The following PPARGC1A variants were observed in gnomAD, a reference collection of about 807,000 sequenced individuals.
PPARGC1A encodes peroxisome proliferator-activated receptor gamma coactivator 1-alpha.
Under a neutral mutation model 88.7 loss-of-function variants are expected in PPARGC1A, and 25 were observed. The observed-to-expected ratio is 0.28, with a 90% CI of 0.21 to 0.39. The LOEUF is 0.39. Among genes scored for constraint, PPARGC1A ranks in the 10% least tolerant of loss-of-function variants. PPARGC1A has a pLI of 1.00. For missense variants in PPARGC1A, 880 were observed against 968.7 expected (o/e 0.91, Z 1.22); for synonymous variants, 363 against 355.6 (o/e 1.02, Z -0.24).
intron 2 of PPARGC1A, among the ~76,000 whole-genome samples, chr4:23,852,389 T>C (rs1729455611): frequency 6.6e-6 from 1 of 152,156 alleles, no homozygotes; most frequent in African/African-American, 2.4e-5. Flanking sequence ...CTGATCACTT[T>C]ACAGAGAGGC....
chr4:23,989,366 AG>A, the PPARGC1A span, among the ~76,000 whole-genome samples: 1 of 151,784 alleles, frequency 6.6e-6, no homozygotes, highest in African/African-American at 2.4e-5. Context: ...CAAGTGGGTA[AG>A]GGAATAGGGA....
chr4:24,129,850 C>G, the PPARGC1A span, among the ~76,000 whole-genome samples: 1 of 152,066 alleles, frequency 6.6e-6, no homozygotes, highest in South Asian at 2.1e-4. Context: ...TTTGTGGGGA[C>G]ATGGATGAAG....
intron 2 of PPARGC1A, among the ~76,000 whole-genome samples, chr4:23,845,228 T>C (rs764547178): frequency 5.9e-4 from 89 of 152,118 alleles, no homozygotes; most frequent in Non-Finnish European, 1.1e-3. Flanking sequence ...CCAGTGTTTT[T>C]TACATTATGT....
At chr4:23,924,937 T>A in the PPARGC1A span, among the ~76,000 whole-genome samples, 1 of 152,194 alleles carries the variant, frequency 6.6e-6, no homozygotes, top group Non-Finnish European at 1.5e-5. Flanking sequence ...GGATTCATGG[T>A]GCATAAGATC....
chr4:24,468,660 T>C, the PPARGC1A span, among the ~76,000 whole-genome samples: 2 of 152,204 alleles, frequency 1.3e-5, no homozygotes, highest in Non-Finnish European at 2.9e-5. Flanking sequence ...TCAGTGATGA[T>C]TTGTGGCTGG....
the PPARGC1A span, among the ~76,000 whole-genome samples, chr4:24,411,236 G>C: frequency 6.6e-6 from 1 of 152,194 alleles, no homozygotes; most frequent in Non-Finnish European, 1.5e-5. Flanking sequence ...GAAGCCGACT[G>C]TCCTGGGTAA....
At chr4:24,316,182 C>A in the PPARGC1A span, among the ~76,000 whole-genome samples, 251 of 152,302 alleles carry the variant, frequency 1.6e-3, no homozygotes, top group Non-Finnish European at 2.4e-3. Flanking sequence ...CCAATGCAAG[C>A]GTCCAGCCAA....
the PPARGC1A span, among the ~76,000 whole-genome samples, chr4:24,396,172 G>A: frequency 3.9e-5 from 6 of 152,136 alleles, no homozygotes; most frequent in African/African-American, 1.4e-4. Flanking sequence ...AGAGCCACCA[G>A]GGAGCAGGGT....
At chr4:24,167,272 C>T in the PPARGC1A span, among the ~76,000 whole-genome samples, 2 of 152,170 alleles carry the variant, frequency 1.3e-5, no homozygotes, top group African/African-American at 4.8e-5. Flanking sequence ...GAAGATATGA[C>T]TGAATTGCTA....
the PPARGC1A span, among the ~76,000 whole-genome samples, chr4:24,403,307 C>T: frequency 1.3e-5 from 2 of 152,166 alleles, no homozygotes; most frequent in African/African-American, 4.8e-5. Flanking sequence ...AACACAAAAT[C>T]AAAGCCTAAA....
chr4:24,106,551 T>A, the PPARGC1A span, among the ~76,000 whole-genome samples: 1 of 152,184 alleles, frequency 6.6e-6, no homozygotes, highest in East Asian at 1.9e-4. Context: ...TAAAGAGGCA[T>A]GTAGATCTTC....
In PPARGC1A at chr4:23,885,648, G is replaced by GTA. The variant is rs1716749063; in HGVS notation, c.55-718_55-717insTA. On this transcript the variant is annotated intron_variant, in intron 1 of 12. Coordinates refer to ENST00000264867, the MANE Select transcript of PPARGC1A (RefSeq NM_013261.5). ...GGCTTTTGTATGTAACTTGCAAGAT[G>GTA]TGTGTGTGTGTGTGTATGTGTTTGC... Among the ~76,000 whole-genome samples the GTA allele has an allele frequency of 2.4e-5, 3 of 126,016 alleles. No homozygotes were observed. The South Asian group carries it at 8.3e-4, about 35-fold the overall frequency. The allele number at this position is 126,016 out of a possible 152,430, so 82.7% of individuals were successfully genotyped here. A position where few individuals can be genotyped will look rare whatever the true frequency, so the allele number is the denominator to read the frequency against.
the PPARGC1A span, among the ~76,000 whole-genome samples, chr4:24,148,334 TC>T: frequency 6.6e-6 from 1 of 152,142 alleles, no homozygotes; most frequent in African/African-American, 2.4e-5. Flanking sequence ...TTTCCACCCT[TC>T]CTTCATGGTC....
intron 2 of PPARGC1A, among the ~76,000 whole-genome samples, chr4:23,834,828 A>G (rs1392794588): frequency 6.6e-6 from 1 of 152,176 alleles, no homozygotes; most frequent in Non-Finnish European, 1.5e-5. Context: ...CAAAAATTAA[A>G]TTGAGGTTAT....
chr4:24,312,592 C>G, the PPARGC1A span, among the ~76,000 whole-genome samples: 2 of 144,146 alleles, frequency 1.4e-5, no homozygotes, highest in African/African-American at 5.2e-5. Flanking sequence ...ATATAGTCAC[C>G]CTAAAAAATG....
At chr4:24,194,264 T>C in the PPARGC1A span, among the ~76,000 whole-genome samples, 1 of 152,190 alleles carries the variant, frequency 6.6e-6, no homozygotes, top group African/African-American at 2.4e-5. Flanking sequence ...GAACTTCCAT[T>C]AAAGCAGCCT....
chr4:23,928,162 T>C, the PPARGC1A span, among the ~76,000 whole-genome samples: 2 of 152,066 alleles, frequency 1.3e-5, no homozygotes, highest in African/African-American at 4.8e-5. Flanking sequence ...ATTTTCAGAG[T>C]CTGGTGCTTC....
chr4:24,123,672 A>G, the PPARGC1A span, among the ~76,000 whole-genome samples: 1 of 152,144 alleles, frequency 6.6e-6, no homozygotes, highest in Admixed American at 6.6e-5. Flanking sequence ...TTCAAAGTCA[A>G]GGTTAGGCAC....
the PPARGC1A span, among the ~76,000 whole-genome samples, chr4:24,077,795 T>C: frequency 6.6e-6 from 1 of 152,010 alleles, no homozygotes; most frequent in South Asian, 2.1e-4. Context: ...ATTTTATCTG[T>C]TATATCTTTC....
Sources: gnomAD v4.1 joint callset for allele counts (sites outside exome capture counted in the v4.1 genomes callset) on GRCh38, gnomAD v4.1.1 for gene constraint, MANE v1.5 for transcripts, NCBI Gene and HGNC (gene_info 2026-07-23, HGNC 2026-07-21) for gene names.